Variants in ARMCX2 observed in about 807,000 individuals in gnomAD.
ARMCX2 encodes armadillo repeat-containing X-linked protein 2.
In ARMCX2, 2 loss-of-function variants were observed where a neutral mutation model predicts 17.0. The ratio of observed to expected loss-of-function variants is 0.12; its 90% CI spans 0.05 to 0.37. ARMCX2 has a LOEUF of 0.37. ARMCX2 is among the 10% of genes least tolerant of loss of function. ARMCX2 has a pLI of 1.00. For synonymous variants in ARMCX2, 182 were observed against 195.2 expected (o/e 0.93, Z 0.57); for missense variants, 408 against 497.7 (o/e 0.82, Z 1.72).
chrX:101,657,579 C>G lies in ARMCX2; in HGVS notation c.10G>C (p.Val4Leu), dbSNP rs782555326. Reference protein sequence around the residue: MSRVRDAGCVAAGI... With the variant: MSRLRDAGCVAAGI... ...GCCGCTACACAGCCAGCATCCCGAACGCGGCTCATGGTGCAGCTGGGGTTA... is the reference window on the plus strand; with the variant it reads ...GCCGCTACACAGCCAGCATCCCGAAGGCGGCTCATGGTGCAGCTGGGGTTA... The change falls in exon 6 of 6, where the codon GTT becomes CTT. Residue 4 changes from valine to leucine, a missense_variant. Coordinates refer to ENST00000356824, the MANE Select transcript of ARMCX2 (RefSeq NM_177949.4). 8.3e-7 allele frequency: 1 copy of G among 1,205,785 alleles called. No individual in the cohort carries two copies. Among genetic ancestry groups the G allele is most frequent in the Non-Finnish European group, 1.1e-6 (1 of 892,427 alleles).
In ARMCX2 at chrX:101,656,673, C is replaced by T. The variant is rs781783235; in HGVS notation, c.916G>A (p.Glu306Lys). Residue 306 changes from glutamate to lysine, a missense_variant, in exon 6 of 6, where the codon GAA becomes AAA. Coordinates refer to ENST00000356824, the MANE Select transcript of ARMCX2 (RefSeq NM_177949.4). ...CCAGGACGGAAGCCCATCCCCAGTT[C>T]GTCTACTTCAACTTTGCTTTTCTTG... ...KGKKSKVEVD[E>K]LGMGFRPGDG... The T allele has an allele frequency of 5.0e-6, 6 of 1,208,672 alleles. No individual in the cohort carries two copies. In the Admixed American group the frequency reaches 8.7e-5, roughly 18 times the overall value.
At position 101,657,865 on chromosome X, in the gene ARMCX2, G is replaced by A; in HGVS notation, c.-127-150C>T. 1.3e-5 allele frequency: 4 copies of A among 314,053 alleles called. No individual in the cohort carries two copies. In the Admixed American group the frequency reaches 1.6e-4, roughly 13 times the overall value. 25.9% of individuals were successfully genotyped at this position (314,053 alleles called of 1,213,427 possible). On this transcript the variant is annotated intron_variant, in intron 5 of 5. Transcript: ENST00000356824. ...CAAGGCCTGTGTTTGCTGATTCACA[G>A]ACCTAGTTTAACGTTTTCTACATCT...
chrX:101,658,528 GA>G lies in ARMCX2; in HGVS notation c.-262-4del, dbSNP rs1556078764. Reference sequence around the variant, plus strand: ...TAGAGCTTCATCCTAAGGACAGACTGAAGAGCAGAAATATAGACTGTCGACG... The same window carrying G: ...TAGAGCTTCATCCTAAGGACAGACTGAGAGCAGAAATATAGACTGTCGACG... On this transcript the variant is annotated splice_region_variant and splice_polypyrimidine_tract_variant and intron_variant, in intron 3 of 5. Coordinates refer to ENST00000356824, the MANE Select transcript of ARMCX2 (RefSeq NM_177949.4). The G allele has an allele frequency of 8.9e-6, 1 of 112,341 alleles. No homozygotes were observed. Among genetic ancestry groups the G allele is most frequent in the Admixed American group, 9.3e-5 (1 of 10,715 alleles). The allele number at this position is 112,341 out of a possible 1,213,427, so 9.3% of individuals were successfully genotyped here. A position where few individuals can be genotyped will look rare whatever the true frequency, so the allele number is the denominator to read the frequency against.
At chrX:101,658,205 G>C (rs2147401736) in intron 4 of ARMCX2, 63 bp from the exon 5 acceptor site, 1 of 112,157 alleles carries the variant, frequency 8.9e-6, no homozygotes, top group Non-Finnish European at 1.9e-5. Context: ...TTCTTTTCCT[G>C]ATTTGGGCCC....
intron 4 of ARMCX2, 127 bp downstream of exon 4, chrX:101,658,334 T>C (rs1265166232): frequency 9.0e-6 from 1 of 111,512 alleles, no homozygotes; most frequent in African/African-American, 3.3e-5. Flanking sequence ...AGAAAGGGCC[T>C]GGGGCAAGGG....
rs782578009 is a variant in ARMCX2, at chrX:101,657,632, T to C, written c.-44A>G. ...CACTGATCCAGGGCGTGGAACTGGATTGCTTAAGGTTAAGGGATGCCTGCT... is the reference window on the plus strand; with the variant it reads ...CACTGATCCAGGGCGTGGAACTGGACTGCTTAAGGTTAAGGGATGCCTGCT... On this transcript the variant is annotated 5_prime_UTR_variant, in exon 6 of 6. Transcript: ENST00000356824. The C allele has an allele frequency of 8.7e-7, 1 of 1,145,784 alleles. No homozygotes were observed. The highest frequency in any genetic ancestry group is 3.0e-5 in the East Asian group (1 of 33,326). 94.4% of individuals were successfully genotyped at this position (1,145,784 alleles called of 1,213,427 possible). A position where few individuals can be genotyped will look rare whatever the true frequency, so the allele number is the denominator to read the frequency against.
rs782379408 is a variant in ARMCX2, at chrX:101,657,366, C to T, written c.223G>A (p.Val75Ile). 14 of 1,210,803 alleles carry T rather than the reference C, an allele frequency of 1.2e-5. No individual in the cohort carries two copies. The highest frequency in any genetic ancestry group is 1.8e-5 in the South Asian group (1 of 56,849). The change falls in exon 6 of 6, where the codon GTC becomes ATC. Residue 75 changes from valine to isoleucine, a missense_variant. Val to Ile is a conservative substitution (Grantham distance 29). This residue lies in a region of ARMCX2 where 307 missense variants were observed against 326.8 expected (regional missense o/e 0.94). Coordinates refer to ENST00000356824, the MANE Select transcript of ARMCX2 (RefSeq NM_177949.4). ...GCCCTGTCCTCTGCTTCAGCACGGA[C>T]TGGGGTTGGGGGACTGAATCCTGAC... Reference protein sequence around the residue: ...LGSGFSPPTPVRAEAEDRAQD... With the variant: ...LGSGFSPPTPIRAEAEDRAQD...
In ARMCX2 at chrX:101,656,552, G is replaced by A; in HGVS notation, c.1037C>T (p.Thr346Ile). Residue 346 changes from threonine (T) to isoleucine (I), a missense_variant, in exon 6 of 6, where the codon ACT becomes ATT. Thr to Ile is a moderately conservative substitution (Grantham distance 89). Around this residue, in one of 2 missense-constraint regions of ARMCX2, gnomAD observed 307 missense variants for 326.8 expected, o/e 0.94. Transcript: ENST00000356824. ...AGAGTCTGAATCTGACTCTGTGTCA[G>A]TCCACCCGGACTCCCCTTCCTCAGA... ...PDSEEGESGWTDTESDSDSEP... is the reference protein window; with the variant it reads ...PDSEEGESGWIDTESDSDSEP... 8.3e-7 allele frequency: 1 copy of A among 1,210,624 alleles called. No homozygotes were observed. The highest frequency in any genetic ancestry group is 1.1e-6 in the Non-Finnish European group (1 of 895,253).
rs375936227 is a variant in ARMCX2, at chrX:101,657,436, G to A, written c.153C>T (p.Ala51=). The change falls in exon 6 of 6, where the codon GCC becomes GCT. Residue 51 remains alanine, a synonymous_variant. Transcript: ENST00000356824. Reference sequence around the variant, plus strand: ...CGGCTCTTAGCCCAGCTCTAGCCCTGGCTCCAGTCCCAGCCACAGCCCGGT... The same window carrying A: ...CGGCTCTTAGCCCAGCTCTAGCCCTAGCTCCAGTCCCAGCCACAGCCCGGT... The part of the protein sequence containing the change: ...PKNRAVAGTG[A]RARAGLRAGF... 8.2e-6 allele frequency: 10 copies of A among 1,212,296 alleles called. No individual in the cohort carries two copies. Among genetic ancestry groups the A allele is most frequent in the Non-Finnish European group, 1.1e-5 (10 of 895,616 alleles).
intron 3 of ARMCX2, chrX:101,658,781 C>G (rs371580983): frequency 6.3e-5 from 7 of 110,665 alleles, no homozygotes; most frequent in African/African-American, 2.3e-4. Flanking sequence ...CCAGGACACA[C>G]CGCCACACCC....
Position 101,656,879 on chromosome X carries a change from T to TCTGCAGCCCCAGTAGGTG in ARMCX2, c.692_709dup (p.Ala231_Ala236dup), listed in dbSNP as rs781992902. The TCTGCAGCCCCAGTAGGTG allele has an allele frequency of 3.2e-4, 392 of 1,209,322 alleles. No homozygotes were observed. Among genetic ancestry groups the TCTGCAGCCCCAGTAGGTG allele is most frequent in the East Asian group, 1.2e-3 (41 of 33,670 alleles). ...AGGGGAACCAGAAGTTCCAGGAGAC[T>TCTGCAGCCCCAGTAGGTG]CTGCAGCCCCAGTAGGTGCTGCAGC... is the stretch of plus-strand genomic sequence containing the variant. On this transcript the variant is annotated inframe_insertion, in exon 6 of 6. Coordinates refer to ENST00000356824, the MANE Select transcript of ARMCX2 (RefSeq NM_177949.4).
At position 101,655,595 on chromosome X, in the gene ARMCX2, A is replaced by G; in HGVS notation, c.*95T>C. 1 of 686,086 alleles carries G rather than the reference A, an allele frequency of 1.5e-6. No homozygotes were observed. The highest frequency in any genetic ancestry group is 4.0e-5 in the South Asian group (1 of 25,244). The allele number at this position is 686,086 out of a possible 1,213,427, so 56.5% of individuals were successfully genotyped here. ...GCAGCTGAAAGGATCCCTTTACTAT[A>G]TGAGCAAGTGGAAAAGCAGTAACTT... On this transcript the variant is annotated 3_prime_UTR_variant, in exon 6 of 6. Transcript: ENST00000356824.
chrX:101,655,816 G>T lies in ARMCX2; in HGVS notation c.1773C>A (p.Phe591Leu). 8.3e-7 allele frequency: 1 copy of T among 1,203,078 alleles called. No individual in the cohort carries two copies. ...ATAAGTAAAAAAGGGAACCTTTATT[G>T]AATTCTCTATAGTTAAACACTTCTG... Reference protein sequence around the residue: ...LRAEVFNYREFNKGSLFYLCT... With the variant: ...LRAEVFNYRELNKGSLFYLCT... Residue 591 changes from phenylalanine to leucine, a missense_variant, in exon 6 of 6, where the codon TTC (phenylalanine) becomes TTA (leucine). Transcript: ENST00000356824.
At chrX:101,658,635 A>T (rs1936440908) in intron 3 of ARMCX2, 110 bp from the exon 4 acceptor site, 1 of 111,697 alleles carries the variant, frequency 9.0e-6, no homozygotes, top group Non-Finnish European at 1.9e-5. Flanking sequence ...TGCACATCAG[A>T]ATGTCAAATG....
Position 101,656,521 on chromosome X carries a change from G to A in ARMCX2, c.1068C>T (p.Pro356=), listed in dbSNP as rs1447341341. 5.0e-6 allele frequency: 6 copies of A among 1,207,210 alleles called. No homozygotes were observed. The South Asian group carries it at 5.3e-5, about 11-fold the overall frequency. The change falls in exon 6 of 6, where the codon CCC becomes CCT. Residue 356 remains proline (P), a synonymous_variant. Transcript: ENST00000356824. ...TDTESDSDSE[P]ETQRRGRGRR... ...TTCCCCTCCCTCTGCGCTGGGTCTC[G>A]GGCTCAGAGTCTGAATCTGACTCTG...
Position 101,657,517 on chromosome X carries a change from G to C in ARMCX2, c.72C>G (p.Val24=). ...IVIGAGAWYC[V]YKYTRGRDQT... is the part of the protein sequence containing the mutation. ...GGTCTCTCCCCCTGGTGTATTTGTA[G>C]ACACAGTACCAGGCACCAGCCCCTA... Residue 24 remains valine (V), a synonymous_variant, in exon 6 of 6, where the codon GTC becomes GTG. Transcript: ENST00000356824. 8.3e-7 allele frequency: 1 copy of C among 1,211,821 alleles called. No individual in the cohort carries two copies. The highest frequency in any genetic ancestry group is 1.1e-6 in the Non-Finnish European group (1 of 895,493).
Position 101,658,160 on chromosome X carries a change from A to C in ARMCX2, c.-197-18T>G, listed in dbSNP as rs1556076514. On this transcript the variant is annotated intron_variant, in intron 4 of 5. Coordinates refer to ENST00000356824, the MANE Select transcript of ARMCX2 (RefSeq NM_177949.4). ...AGACAGACCTGAGGACAGATCAGAAAGGGCGTTTTTGAGCCATTGGTGGAC... is the reference window on the plus strand; with the variant it reads ...AGACAGACCTGAGGACAGATCAGAACGGGCGTTTTTGAGCCATTGGTGGAC... 8.9e-6 allele frequency: 1 copy of C among 112,232 alleles called. No homozygotes were observed. Among genetic ancestry groups the C allele is most frequent in the Non-Finnish European group, 1.9e-5 (1 of 53,334 alleles). 9.2% of individuals were successfully genotyped at this position (112,232 alleles called of 1,213,427 possible).
chrX:101,657,946 C>G (rs782753079), intron 5 of ARMCX2, 127 bp downstream of exon 5: 2 of 185,545 alleles, frequency 1.1e-5, no homozygotes, highest in Non-Finnish European at 2.0e-5. Flanking sequence ...AATGGAAGGA[C>G]GAGAGGCAGT....
At chrX:101,657,784 A>C (rs1255553264) in intron 5 of ARMCX2, 69 bp from the exon 6 acceptor site, 12 of 408,137 alleles carry the variant, frequency 2.9e-5, no homozygotes, top group Non-Finnish European at 5.1e-5. Context: ...TTCTACTTAG[A>C]GAAGAGTTTA....
Sources: allele counts gnomAD v4.1 joint callset, GRCh38; gene constraint gnomAD v4.1.1; regional missense constraint gnomAD v4.1.1; transcripts MANE v1.5; gene names NCBI Gene and HGNC (gene_info 2026-07-23, HGNC 2026-07-21).